SAMD12: variants seen among roughly 807,000 people sequenced by gnomAD.
SAMD12 encodes the protein sterile alpha motif domain-containing protein 12.
Under a neutral mutation model 15.0 loss-of-function variants are expected in SAMD12, and 9 were observed. That is an observed-to-expected ratio of 0.60 (90% CI 0.36 to 1.05). The LOEUF is 1.05. SAMD12 is among the 50% of genes least tolerant of loss of function. The probability of loss-of-function intolerance (pLI) is 0.01; values close to 1 mark genes in which losing one functional copy is unlikely to be tolerated. For synonymous variants in SAMD12, 86 were observed against 90.1 expected (o/e 0.96, Z 0.25); for missense variants, 230 against 234.2 (o/e 0.98, Z 0.12).
At chr8:118,285,775 A>C (rs1813951695) in intron 4 of SAMD12, among the ~76,000 whole-genome samples, 1 of 152,192 alleles carries the variant, frequency 6.6e-6, no homozygotes, top group Non-Finnish European at 1.5e-5. Flanking sequence ...TATGTCCTGG[A>C]CTTAGTCCAG....
chr8:118,348,344 C>T (rs764234268), intron 4 of SAMD12, among the ~76,000 whole-genome samples: 54 of 151,656 alleles, frequency 3.6e-4, no homozygotes, highest in Non-Finnish European at 7.4e-4. Context: ...GTTGGGGTTA[C>T]GGGCGTGAGC....
In SAMD12 at chr8:118,551,258, C is replaced by T. The variant is rs1223501285; in HGVS notation, c.192+29457G>A. Among the ~76,000 whole-genome samples the T allele has an allele frequency of 6.6e-5, 10 of 150,726 alleles. No individual in the cohort carries two copies. In the East Asian group the frequency reaches 9.7e-4, roughly 15 times the overall value. On this transcript the variant is annotated intron_variant, in intron 2 of 3. Transcript: ENST00000314727. ...GCACCACACCACACCTATTCCAAAA[C>T]TGAACACATAGTTGGAAGTAAAGCT...
At position 118,329,946 on chromosome 8, in the gene SAMD12, A is replaced by G. The variant is rs988667486; in HGVS notation, c.433+49614T>C. On this transcript the variant is annotated intron_variant, in intron 4 of 4. Coordinates refer to the SAMD12 transcript ENST00000409003. ...GAACCTCTCCCATATTAAGAATATTAATGAGGGCTGAGATGGAGGGGTAAG... is the reference window on the plus strand; with the variant it reads ...GAACCTCTCCCATATTAAGAATATTGATGAGGGCTGAGATGGAGGGGTAAG... Among the ~76,000 whole-genome samples, 5 of 152,202 alleles carry G rather than the reference A, an allele frequency of 3.3e-5. No individual in the cohort carries two copies. The East Asian group carries it at 5.8e-4, about 18-fold the overall frequency.
At position 118,621,907 on chromosome 8, in the gene SAMD12, A is replaced by C. The variant is rs755808628; in HGVS notation, c.-91T>G. 6.9e-7 allele frequency: 1 copy of C among 1,442,130 alleles called. No individual in the cohort carries two copies. Among genetic ancestry groups the C allele is most frequent in the South Asian group, 1.1e-5 (1 of 87,576 alleles). The allele number at this position is 1,442,130 out of a possible 1,614,324, so 89.3% of individuals were successfully genotyped here. A position where few individuals can be genotyped will look rare whatever the true frequency, so the allele number is the denominator to read the frequency against. ...CCCCCCTTCCTCTCGCTTTCGCCTA[A>C]ATATTCTGCGCTTATCTGCTCCAGG... On this transcript the variant is annotated 5_prime_UTR_variant, in exon 1 of 4. It adds an upstream start codon to the 5' untranslated region. Transcript: ENST00000314727.
chr8:118,423,659 A>G (rs941816506), intron 3 of SAMD12, among the ~76,000 whole-genome samples: 3 of 150,818 alleles, frequency 2.0e-5, no homozygotes, highest in African/African-American at 7.4e-5. Context: ...CTCAGAGTGT[A>G]CAGGTCAAAG....
At chr8:118,554,509 A>T (rs1238367402) in intron 2 of SAMD12, among the ~76,000 whole-genome samples, 1 of 136,124 alleles carries the variant, frequency 7.3e-6, no homozygotes, top group East Asian at 2.1e-4. Flanking sequence ...CAGGAAGGGG[A>T]ACATCACACT....
At chr8:118,386,949 C>T (rs1819994919) in intron 3 of SAMD12, among the ~76,000 whole-genome samples, 1 of 152,344 alleles carries the variant, frequency 6.6e-6, no homozygotes, top group South Asian at 2.1e-4. Flanking sequence ...GGATGAATTA[C>T]AACGCCTCTT....
At chr8:118,381,821 T>C (rs1483064561) in intron 3 of SAMD12, among the ~76,000 whole-genome samples, 1 of 152,226 alleles carries the variant, frequency 6.6e-6, no homozygotes, top group African/African-American at 2.4e-5. Context: ...CATGGGAGTT[T>C]GTGATAATCT....
At chr8:118,449,439 T>C (rs894175957) in intron 2 of SAMD12, among the ~76,000 whole-genome samples, 1 of 151,508 alleles carries the variant, frequency 6.6e-6, no homozygotes, top group East Asian at 1.9e-4. Context: ...TCAGCTAAGA[T>C]TGAAAGAAAA....
downstream of SAMD12, among the ~76,000 whole-genome samples, chr8:118,184,903 CTT>C (rs5894416): frequency 1.4e-3 from 202 of 141,674 alleles, no homozygotes; most frequent in Admixed American, 2.7e-3. Context: ...ACCATTTGTT[CTT>C]TTTTTTTTTT....
chr8:118,556,970 AAAAGAAAGAAAG>A (rs540288024), intron 2 of SAMD12, among the ~76,000 whole-genome samples: 2 of 151,922 alleles, frequency 1.3e-5, no homozygotes, highest in African/African-American at 4.8e-5. Flanking sequence ...TCTCAAAAAA[AAAAGAAAGAAAG>A]AAAGAAAGAA....
chr8:118,552,294 C>A (rs367565597), intron 2 of SAMD12, among the ~76,000 whole-genome samples: 15 of 152,246 alleles, frequency 9.9e-5, no homozygotes, highest in Middle Eastern at 3.4e-3. Flanking sequence ...TACCGGCAAA[C>A]CGAATCCAGC....
chr8:118,512,041 A>G (rs113326854), intron 2 of SAMD12, among the ~76,000 whole-genome samples: 3,575 of 143,580 alleles, frequency 0.025, 113 homozygotes, highest in African/African-American at 0.079. Context: ...CACTATAAAG[A>G]ACATTTTTTT....
chr8:118,132,312 GT>G, the SAMD12 span, among the ~76,000 whole-genome samples: 13 of 152,284 alleles, frequency 8.5e-5, no homozygotes, highest in Non-Finnish European at 1.5e-4. Flanking sequence ...AACATTCAAA[GT>G]TTTTCATTCT....
rs113742247 is a variant in SAMD12, at chr8:118,196,501, T to TA, written c.*1208dup. 1.1e-3 allele frequency: 166 copies of TA among 145,416 alleles called. 1 individual carries two copies. Among genetic ancestry groups the TA allele is most frequent in the African/African-American group, 1.4e-3 (56 of 39,872 alleles). The allele number at this position is 145,416 out of a possible 1,614,324, so 9.0% of individuals were successfully genotyped here. On this transcript the variant is annotated 3_prime_UTR_variant, in exon 5 of 5. Coordinates refer to the SAMD12 transcript ENST00000409003. Reference sequence around the variant, plus strand: ...ACTGTGCTTTGTCGTAAGACATAGTTAAAAAAAAAAAAATTAGTCACAGGT... The same window carrying TA: ...ACTGTGCTTTGTCGTAAGACATAGTTAAAAAAAAAAAAAATTAGTCACAGGT...
intron 4 of SAMD12, among the ~76,000 whole-genome samples, chr8:118,347,022 A>C (rs764132471): frequency 1.3e-5 from 2 of 152,170 alleles, no homozygotes; most frequent in African/African-American, 4.8e-5. Flanking sequence ...CTCCTGCCTT[A>C]GTACCCCTTT....
At chr8:118,580,303 A>G (rs1827259451) in intron 2 of SAMD12, among the ~76,000 whole-genome samples, 1 of 152,172 alleles carries the variant, frequency 6.6e-6, no homozygotes. Flanking sequence ...AAATGCTTCC[A>G]CAAGCATACA....
chr8:118,433,724 A>T (rs1254823496), intron 3 of SAMD12, among the ~76,000 whole-genome samples: 1 of 152,340 alleles, frequency 6.6e-6, no homozygotes, highest in East Asian at 1.9e-4. Flanking sequence ...AAGTTTCAAT[A>T]AGAGTATAGA....
At chr8:118,230,507 T>C (rs537632503) in intron 4 of SAMD12, among the ~76,000 whole-genome samples, 29 of 152,146 alleles carry the variant, frequency 1.9e-4, no homozygotes, top group African/African-American at 7.0e-4. Flanking sequence ...GCTTCCCTGG[T>C]GGGTCTGATG....
Sources: allele counts gnomAD v4.1 joint callset (sites outside exome capture counted in the v4.1 genomes callset), GRCh38; gene constraint gnomAD v4.1.1; transcripts MANE v1.5; gene names NCBI Gene and HGNC (gene_info 2026-07-23, HGNC 2026-07-21).